The following MIPEP variants were observed in gnomAD, a reference collection of about 807,000 sequenced individuals.
The protein encoded by MIPEP is mitochondrial intermediate peptidase.
A neutral mutation model predicts 90.3 loss-of-function variants in MIPEP; 79 were observed. The observed-to-expected ratio is 0.87, with a 90% confidence interval of 0.73 to 1.05. The LOEUF (loss-of-function observed/expected upper bound fraction) is 1.05, where lower values mean the gene tolerates loss of function less well. MIPEP is among the 50% of genes least tolerant of loss of function. The pLI, the probability that MIPEP is intolerant of heterozygous loss-of-function variation, is 0.00. For synonymous variants in MIPEP, 334 were observed against 315.8 expected (o/e 1.06, Z -0.61); for missense variants, 940 against 905.6 (o/e 1.04, Z -0.49).
At chr13:23,888,332 C>T (rs3794341) in intron 1 of MIPEP, among the ~76,000 whole-genome samples, 26,304 of 152,094 alleles carry the variant, frequency 0.17, 2,756 homozygotes, top group Non-Finnish European at 0.23. Flanking sequence ...CACACTTTAG[C>T]TCAGTGCAAC....
At chr13:23,869,905 T>A (rs752288304) in intron 6 of MIPEP, 108 bp downstream of exon 6, 17 of 776,762 alleles carry the variant, frequency 2.2e-5, no homozygotes, top group South Asian at 1.1e-4. Context: ...GGCTTAGTAA[T>A]GCTAAAAAGT....
At chr13:23,819,948 G>A (rs1044113373) in intron 14 of MIPEP, among the ~76,000 whole-genome samples, 7 of 151,972 alleles carry the variant, frequency 4.6e-5, no homozygotes, top group Non-Finnish European at 7.4e-5. Flanking sequence ...GGCAGAGGTT[G>A]CAGTGAGCTG....
chr13:23,756,803 T>G, intron 17 of MIPEP, 185 bp from the exon 18 acceptor site: 4 of 597,798 alleles, frequency 6.7e-6, no homozygotes, highest in Non-Finnish European at 1.2e-5. Flanking sequence ...TAAAATAAAT[T>G]AAATCAGGTG....
chr13:23,875,027 A>AACACACACACACACAC lies in MIPEP; in HGVS notation c.540-134_540-119dup, dbSNP rs10595689. 2,240 of 401,722 alleles carry AACACACACACACACAC rather than the reference A, an allele frequency of 5.6e-3. 14 individuals carry two copies. The highest frequency in any genetic ancestry group is 0.012 in the African/African-American group (577 of 46,984). 24.9% of individuals were successfully genotyped at this position (401,722 alleles called of 1,614,324 possible). ...GCCTCACTGCCAAAAGTTTCTTCAA[A>AACACACACACACACAC]ACACACACACACACACACACACACA... On this transcript the variant is annotated intron_variant, in intron 4 of 18. Coordinates refer to ENST00000382172, the MANE Select transcript of MIPEP (RefSeq NM_005932.4).
At chr13:23,786,988 T>C (rs889727871) in intron 16 of MIPEP, among the ~76,000 whole-genome samples, 1 of 152,166 alleles carries the variant, frequency 6.6e-6, no homozygotes, top group Non-Finnish European at 1.5e-5. Flanking sequence ...TGAATGTGAA[T>C]ACTAACTTCA....
chr13:23,855,684 A>G (rs542731982), intron 10 of MIPEP, among the ~76,000 whole-genome samples: 1 of 152,346 alleles, frequency 6.6e-6, no homozygotes, highest in African/African-American at 2.4e-5. Flanking sequence ...ACCAAAACTC[A>G]GTAGCCTATT....
chr13:23,749,272 T>C (rs779961502), intron 18 of MIPEP, among the ~76,000 whole-genome samples: 13 of 152,236 alleles, frequency 8.5e-5, no homozygotes, highest in Non-Finnish European at 1.3e-4. Context: ...TGCTCCTCGA[T>C]TGTCGTGATG....
intron 16 of MIPEP, among the ~76,000 whole-genome samples, chr13:23,792,533 C>T (rs553463641): frequency 1.3e-5 from 2 of 152,192 alleles, no homozygotes; most frequent in Non-Finnish European, 2.9e-5. Flanking sequence ...GTGCGTGCCA[C>T]CATGCCCAGA....
chr13:23,780,624 GAGA>G (rs1300892205), intron 16 of MIPEP, among the ~76,000 whole-genome samples: 1 of 152,210 alleles, frequency 6.6e-6, no homozygotes, highest in Non-Finnish European at 1.5e-5. Context: ...GATGAGTTGA[GAGA>G]AGAAGGCTTC....
chr13:23,745,305 TAAAGAA>T (rs1203203631), intron 18 of MIPEP, among the ~76,000 whole-genome samples: 1 of 152,152 alleles, frequency 6.6e-6, no homozygotes, highest in African/African-American at 2.4e-5. Context: ...ATCATAGTCA[TAAAGAA>T]AAAGTTTCTT....
chr13:23,802,354 C>T (rs1369297745), intron 16 of MIPEP, among the ~76,000 whole-genome samples: 1 of 152,114 alleles, frequency 6.6e-6, no homozygotes, highest in Non-Finnish European at 1.5e-5. Context: ...GCAGGCAGAT[C>T]ATTTGAGGTC....
At chr13:23,815,461 C>T (rs770317859) in intron 14 of MIPEP, among the ~76,000 whole-genome samples, 3 of 152,088 alleles carry the variant, frequency 2.0e-5, no homozygotes, top group East Asian at 3.9e-4. Flanking sequence ...GGATTGCAAG[C>T]ATGCACCACT....
At chr13:23,771,811 T>C (rs1952654799) in intron 16 of MIPEP, among the ~76,000 whole-genome samples, 1 of 152,170 alleles carries the variant, frequency 6.6e-6, no homozygotes, top group African/African-American at 2.4e-5. Flanking sequence ...TCAACTTCCT[T>C]GGTTTGAATA....
At position 23,817,143 on chromosome 13, in the gene MIPEP, G is replaced by A. The variant is rs145770145; in HGVS notation, c.1654-7219C>T. On this transcript the variant is annotated intron_variant, in intron 14 of 18. Transcript: ENST00000382172. ...CGAGCTTTCTGCATCCTAGGTGGAT[G>A]GGCAAATCCCAAACAGTTCAGACTT... Among the ~76,000 whole-genome samples the A allele has an allele frequency of 7.6e-4, 116 of 152,312 alleles. 1 individual carries two copies. In the East Asian group the frequency reaches 0.021, roughly 27 times the overall value.
intron 16 of MIPEP, among the ~76,000 whole-genome samples, chr13:23,779,907 G>C (rs1952761323): frequency 6.6e-6 from 1 of 152,206 alleles, no homozygotes; most frequent in Non-Finnish European, 1.5e-5. Flanking sequence ...GCGAGGCTGG[G>C]GGAGGGGCGC....
At chr13:23,759,752 C>T (rs940467806) in intron 17 of MIPEP, among the ~76,000 whole-genome samples, 6 of 152,192 alleles carry the variant, frequency 3.9e-5, no homozygotes, top group African/African-American at 7.2e-5. Context: ...TCCCGTATCA[C>T]GTGGTGAGGT....
intron 17 of MIPEP, among the ~76,000 whole-genome samples, chr13:23,757,908 A>G (rs1463368253): frequency 3.9e-5 from 6 of 152,220 alleles, no homozygotes; most frequent in Non-Finnish European, 1.5e-5. Context: ...ATACATGACT[A>G]CATACTATGA....
At chr13:23,868,192 A>C (rs1402161948) in intron 7 of MIPEP, among the ~76,000 whole-genome samples, 4 of 152,098 alleles carry the variant, frequency 2.6e-5, no homozygotes, top group African/African-American at 9.7e-5. Flanking sequence ...AGCTTCATGA[A>C]AGAGGTGGGT....
chr13:23,876,555 C>A (rs1871080588), intron 4 of MIPEP, among the ~76,000 whole-genome samples: 1 of 152,070 alleles, frequency 6.6e-6, no homozygotes, highest in South Asian at 2.1e-4. Context: ...ATGAGAGTTT[C>A]ACAAACAGAA....
Sources: allele counts gnomAD v4.1 joint callset (sites outside exome capture counted in the v4.1 genomes callset), GRCh38; gene constraint gnomAD v4.1.1; transcripts MANE v1.5; gene names NCBI Gene and HGNC (gene_info 2026-07-23, HGNC 2026-07-21).